PDS5B: variants seen among roughly 807,000 people sequenced by gnomAD.
The protein encoded by PDS5B is sister chromatid cohesion protein PDS5 homolog B.
PDS5B carries 51 observed loss-of-function variants against 184.1 expected under a neutral mutation model. That is an observed-to-expected ratio of 0.28 (90% CI 0.22 to 0.35). PDS5B has a LOEUF of 0.35. PDS5B is among the 10% of genes least tolerant of loss of function. PDS5B has a pLI of 1.00. For missense variants in PDS5B, 1,180 were observed against 1,723.3 expected (o/e 0.68, Z 5.58); for synonymous variants, 566 against 569.2 (o/e 0.99, Z 0.08).
At chr13:32,592,019 A>G (rs1176860002) in intron 1 of PDS5B, among the ~76,000 whole-genome samples, 1 of 152,182 alleles carries the variant, frequency 6.6e-6, no homozygotes, top group African/African-American at 2.4e-5. Context: ...GTAGAAGAGA[A>G]GCTGAAGCGA....
chr13:32,627,188 T>C (rs2140557950), intron 1 of PDS5B, among the ~76,000 whole-genome samples: 1 of 152,326 alleles, frequency 6.6e-6, no homozygotes, highest in East Asian at 1.9e-4. Context: ...ACTTAAAATA[T>C]CCCTCAGTGC....
chr13:32,771,978 C>G (rs932725084), intron 33 of PDS5B, among the ~76,000 whole-genome samples: 2 of 151,258 alleles, frequency 1.3e-5, no homozygotes, highest in African/African-American at 4.9e-5. Flanking sequence ...GAAGAAGATT[C>G]TGTAGTCTGT....
chr13:32,733,769 A>G (rs1953208028), intron 20 of PDS5B, among the ~76,000 whole-genome samples: 2 of 152,174 alleles, frequency 1.3e-5, no homozygotes, highest in South Asian at 2.1e-4. Context: ...TCCCCCACCC[A>G]TGTATCCCCA....
At chr13:32,733,381 C>T (rs959998545) in intron 20 of PDS5B, among the ~76,000 whole-genome samples, 6 of 151,980 alleles carry the variant, frequency 3.9e-5, no homozygotes, top group Non-Finnish European at 8.8e-5. Flanking sequence ...ATTAATTTTG[C>T]TTTTTAGAAA....
At chr13:32,742,553 G>A (rs765511186) in intron 22 of PDS5B, 38 bp from the exon 23 acceptor site, 8 of 1,546,656 alleles carry the variant, frequency 5.2e-6, no homozygotes, top group Non-Finnish European at 5.3e-6. Context: ...CTTTCAAAAT[G>A]TACCAGTGTT....
chr13:32,658,775 A>G (rs1274490734), intron 5 of PDS5B, among the ~76,000 whole-genome samples: 1 of 152,172 alleles, frequency 6.6e-6, no homozygotes, highest in Non-Finnish European at 1.5e-5. Flanking sequence ...ATTTGTCTAT[A>G]AAACATACAT....
chr13:32,591,008 T>C (rs208429), intron 1 of PDS5B, among the ~76,000 whole-genome samples: 111,499 of 151,618 alleles, frequency 0.74, 42,322 homozygotes, highest in African/African-American at 0.94. Context: ...TGTTACTTTT[T>C]TCCTCCCCCC....
intron 19 of PDS5B, among the ~76,000 whole-genome samples, chr13:32,720,017 C>T (rs1456090694): frequency 6.6e-6 from 1 of 152,040 alleles, no homozygotes; most frequent in East Asian, 1.9e-4. Context: ...GGGCTGGTCT[C>T]TGTCTCCTGG....
At chr13:32,624,710 T>C (rs921190810) in intron 1 of PDS5B, among the ~76,000 whole-genome samples, 2 of 152,192 alleles carry the variant, frequency 1.3e-5, no homozygotes, top group Non-Finnish European at 2.9e-5. Flanking sequence ...TGAGGAATTT[T>C]TTAACTCCAC....
In PDS5B at chr13:32,753,543, A is replaced by T. The variant is rs775179359; in HGVS notation, c.2941+7A>T. On this transcript the variant is annotated splice_region_variant and intron_variant, in intron 25 of 34. Coordinates refer to ENST00000315596, the MANE Select transcript of PDS5B (RefSeq NM_015032.4). ...CAGCATGCAGCTGTTAGTGGTAAGC[A>T]TATAAGAAAATGGAAAGGATACTTT... 6.3e-7 allele frequency: 1 copy of T among 1,585,786 alleles called. No individual in the cohort carries two copies. The highest frequency in any genetic ancestry group is 2.3e-5 in the East Asian group (1 of 44,430).
intron 3 of PDS5B, among the ~76,000 whole-genome samples, chr13:32,653,615 A>C (rs1394736526): frequency 6.6e-6 from 1 of 152,172 alleles, no homozygotes; most frequent in Non-Finnish European, 1.5e-5. Context: ...AGGATGAGGG[A>C]GGTAGAGGGC....
intron 9 of PDS5B, among the ~76,000 whole-genome samples, chr13:32,678,193 G>T (rs1176690175): frequency 2.0e-5 from 3 of 152,204 alleles, no homozygotes; most frequent in Non-Finnish European, 4.4e-5. Context: ...AGGAAAAAGA[G>T]TTGGAGGGAA....
chr13:32,692,896 TTTTTA>T (rs140162028), intron 13 of PDS5B, among the ~76,000 whole-genome samples: 65,993 of 151,136 alleles, frequency 0.44, 14,732 homozygotes, highest in African/African-American at 0.49. Context: ...GATGGTCACT[TTTTTA>T]TTTTATTTAA....
chr13:32,689,675 C>G (rs760386253), intron 13 of PDS5B: 1 of 152,150 alleles, frequency 6.6e-6, no homozygotes, highest in Non-Finnish European at 1.5e-5. Context: ...CGCACTCAAT[C>G]CTGCTTGGTT....
At chr13:32,598,110 C>T (rs921014103) in intron 1 of PDS5B, among the ~76,000 whole-genome samples, 1 of 152,064 alleles carries the variant, frequency 6.6e-6, no homozygotes, top group Non-Finnish European at 1.5e-5. Context: ...GAGTCTCACT[C>T]TGTCACCTAG....
At chr13:32,612,841 C>T (rs1275030880) in intron 1 of PDS5B, among the ~76,000 whole-genome samples, 2 of 152,178 alleles carry the variant, frequency 1.3e-5, no homozygotes, top group African/African-American at 4.8e-5. Context: ...TTCCAGTCTC[C>T]ATAATTGTCA....
intron 6 of PDS5B, among the ~76,000 whole-genome samples, chr13:32,660,857 T>C (rs1412896083): frequency 1.3e-5 from 2 of 152,192 alleles, no homozygotes; most frequent in Admixed American, 6.5e-5. Context: ...ATAGATTCAA[T>C]CTTTTGCTTA....
intron 5 of PDS5B, 152 bp from the exon 6 acceptor site, chr13:32,659,002 G>T (rs949428546): frequency 2.5e-6 from 1 of 408,030 alleles, no homozygotes; most frequent in South Asian, 9.8e-5. Flanking sequence ...TGTATGATGT[G>T]GGAGAGAGGG....
intron 1 of PDS5B, among the ~76,000 whole-genome samples, chr13:32,619,306 A>C (rs912932317): frequency 6.6e-6 from 1 of 152,224 alleles, no homozygotes; most frequent in Non-Finnish European, 1.5e-5. Flanking sequence ...CTATGTGAAC[A>C]TGGCAGGGTG....
Sources: allele counts gnomAD v4.1 joint callset (sites outside exome capture counted in the v4.1 genomes callset), GRCh38; gene constraint gnomAD v4.1.1; transcripts MANE v1.5; gene names NCBI Gene and HGNC (gene_info 2026-07-23, HGNC 2026-07-21).